Variants in TSPAN5 observed in about 807,000 individuals in gnomAD.
TSPAN5 encodes tetraspanin 5, also known as tetraspanin-5.
A neutral mutation model predicts 37.1 loss-of-function variants in TSPAN5; 10 were observed. That is an observed-to-expected ratio of 0.27 (90% confidence interval 0.17 to 0.46). The LOEUF (loss-of-function observed/expected upper bound fraction) is 0.46. Among genes scored for constraint, TSPAN5 ranks in the 20% least tolerant of loss-of-function variants. The probability of loss-of-function intolerance (pLI) is 1.00; values close to 1 mark genes in which losing one functional copy is unlikely to be tolerated. For missense variants in TSPAN5, 195 were observed against 326.6 expected (o/e 0.60, Z 3.11); for synonymous variants, 110 against 118.9 (o/e 0.93, Z 0.48).
At chr4:98,615,544 C>T (rs955220453) in intron 1 of TSPAN5, among the ~76,000 whole-genome samples, 5 of 152,148 alleles carry the variant, frequency 3.3e-5, no homozygotes, top group East Asian at 1.9e-4. Flanking sequence ...GATGGCCGGG[C>T]GCATGGTGGC....
chr4:98,583,825 GT>G (rs1228741021), intron 1 of TSPAN5, among the ~76,000 whole-genome samples: 1 of 152,230 alleles, frequency 6.6e-6, no homozygotes, highest in African/African-American at 2.4e-5. Context: ...AGGAGGAGAC[GT>G]GGCTCCTGCA....
chr4:98,497,475 G>A (rs1438014685), intron 2 of TSPAN5, among the ~76,000 whole-genome samples: 1 of 152,264 alleles, frequency 6.6e-6, no homozygotes, highest in East Asian at 1.9e-4. Flanking sequence ...CTGGCGAACT[G>A]TGAGAGAGAA....
intron 1 of TSPAN5, among the ~76,000 whole-genome samples, chr4:98,627,130 A>G (rs1252411576): frequency 1.3e-5 from 2 of 152,258 alleles, no homozygotes; most frequent in Admixed American, 6.5e-5. Flanking sequence ...GACAGAAAAC[A>G]TCTCCTAAGA....
At chr4:98,515,697 G>C (rs1425811757) in intron 1 of TSPAN5, among the ~76,000 whole-genome samples, 3 of 152,152 alleles carry the variant, frequency 2.0e-5, no homozygotes, top group Non-Finnish European at 4.4e-5. Flanking sequence ...TGTGCTCACA[G>C]GAAGTGGCAG....
chr4:98,531,640 A>G (rs1754092678), intron 1 of TSPAN5, among the ~76,000 whole-genome samples: 1 of 152,222 alleles, frequency 6.6e-6, no homozygotes, highest in Non-Finnish European at 1.5e-5. Context: ...GAATCGCCAC[A>G]CTGTCTTCCA....
chr4:98,493,609 T>C (rs1029242748), intron 2 of TSPAN5, among the ~76,000 whole-genome samples: 2 of 152,358 alleles, frequency 1.3e-5, no homozygotes, highest in African/African-American at 2.4e-5. Flanking sequence ...CAGAATGCTA[T>C]GTGGGAAGAA....
chr4:98,492,537 A>C (rs1048564272), intron 2 of TSPAN5, among the ~76,000 whole-genome samples: 1 of 152,210 alleles, frequency 6.6e-6, no homozygotes, highest in African/African-American at 2.4e-5. Context: ...ACTATGCTTC[A>C]GTCCTCCATG....
At chr4:98,517,462 C>A (rs921854784) in intron 1 of TSPAN5, among the ~76,000 whole-genome samples, 4 of 151,990 alleles carry the variant, frequency 2.6e-5, no homozygotes, top group African/African-American at 9.7e-5. Context: ...ATTTTTGGAA[C>A]TGTGTTCTCT....
intron 1 of TSPAN5, among the ~76,000 whole-genome samples, chr4:98,583,372 T>C (rs887859680): frequency 3.3e-5 from 5 of 152,160 alleles, no homozygotes; most frequent in African/African-American, 1.2e-4. Context: ...GTATTCAGCC[T>C]AGTACCCATT....
intron 2 of TSPAN5, among the ~76,000 whole-genome samples, chr4:98,489,911 C>T (rs1000028380): frequency 2.6e-5 from 4 of 152,150 alleles, no homozygotes; most frequent in South Asian, 2.1e-4. Context: ...CAAGGACCCC[C>T]GGTAACAATA....
chr4:98,586,105 T>C (rs1755478616), intron 1 of TSPAN5, among the ~76,000 whole-genome samples: 1 of 152,250 alleles, frequency 6.6e-6, no homozygotes, highest in African/African-American at 2.4e-5. Context: ...TGGAATTCAA[T>C]GTCAATTGAT....
chr4:98,535,702 C>T (rs1395361886), intron 1 of TSPAN5, among the ~76,000 whole-genome samples: 1 of 152,124 alleles, frequency 6.6e-6, no homozygotes, highest in Non-Finnish European at 1.5e-5. Flanking sequence ...TTCACATAGT[C>T]CCATATTTGT....
chr4:98,590,022 C>G (rs1427777783), intron 1 of TSPAN5, among the ~76,000 whole-genome samples: 1 of 152,142 alleles, frequency 6.6e-6, no homozygotes, highest in Non-Finnish European at 1.5e-5. Context: ...GTATCCCATC[C>G]TACTGTACGA....
At chr4:98,481,923 T>C (rs1752846366) in intron 4 of TSPAN5, 82 bp downstream of exon 4, 17 of 1,416,962 alleles carry the variant, frequency 1.2e-5, no homozygotes, top group Non-Finnish European at 1.7e-5. Flanking sequence ...AGCTGGCAGA[T>C]GCAGAAACCA....
At chr4:98,562,547 G>A (rs1754903997) in intron 1 of TSPAN5, among the ~76,000 whole-genome samples, 1 of 152,124 alleles carries the variant, frequency 6.6e-6, no homozygotes, top group Non-Finnish European at 1.5e-5. Context: ...TGTAGTCCCA[G>A]CTACTCAGGA....
intron 1 of TSPAN5, among the ~76,000 whole-genome samples, chr4:98,622,089 T>C (rs1756494864): frequency 6.6e-6 from 1 of 152,132 alleles, no homozygotes; most frequent in African/African-American, 2.4e-5. Flanking sequence ...ATGCACACTT[T>C]CTTTTTTTGA....
chr4:98,655,252 C>T (rs2110296170), intron 1 of TSPAN5, among the ~76,000 whole-genome samples: 1 of 152,258 alleles, frequency 6.6e-6, no homozygotes, highest in South Asian at 2.1e-4. Context: ...ACAAGTCTCC[C>T]TAACAGAAAA....
intron 1 of TSPAN5, among the ~76,000 whole-genome samples, chr4:98,546,694 G>GGA (rs910060869): frequency 4.0e-5 from 6 of 151,150 alleles, no homozygotes; most frequent in African/African-American, 1.2e-4. Context: ...GTTGAGGTGG[G>GGA]GAGAGAGAGA....
intron 2 of TSPAN5, among the ~76,000 whole-genome samples, chr4:98,491,624 G>T (rs1054355689): frequency 6.6e-6 from 1 of 151,586 alleles, no homozygotes. Context: ...GGAGGCAGAG[G>T]TTGCAGTGAG....
Sources: allele counts gnomAD v4.1 joint callset (sites outside exome capture counted in the v4.1 genomes callset), GRCh38; gene constraint gnomAD v4.1.1; transcripts MANE v1.5; gene names NCBI Gene and HGNC (gene_info 2026-07-23, HGNC 2026-07-21).